Variants in FYN observed in about 807,000 individuals in gnomAD.
FYN encodes the protein FYN proto-oncogene, Src family tyrosine kinase, also known as tyrosine-protein kinase Fyn.
A neutral mutation model predicts 70.2 loss-of-function variants in FYN; 10 were observed. The observed-to-expected ratio is 0.14, with a 90% CI of 0.09 to 0.24. The LOEUF (loss-of-function observed/expected upper bound fraction) is 0.24. Among genes scored for constraint, FYN ranks in the 10% least tolerant of loss-of-function variants. The pLI is 1.00. For synonymous variants in FYN, 236 were observed against 248.6 expected (o/e 0.95, Z 0.48); for missense variants, 319 against 673.1 (o/e 0.47, Z 5.82).
chr6:111,770,340 C>T (rs1803398004), intron 3 of FYN, among the ~76,000 whole-genome samples: 1 of 152,134 alleles, frequency 6.6e-6, no homozygotes, highest in South Asian at 2.1e-4. Flanking sequence ...TTCTAGATAG[C>T]TTTAAATTGT....
At chr6:111,815,957 C>A (rs1772476984) in intron 2 of FYN, among the ~76,000 whole-genome samples, 2 of 152,104 alleles carry the variant, frequency 1.3e-5, no homozygotes. Context: ...GCCTCAGCCT[C>A]CCAAAGTGCT....
intron 13 of FYN, among the ~76,000 whole-genome samples, chr6:111,663,328 T>C (rs1797850200): frequency 6.6e-6 from 1 of 152,160 alleles, no homozygotes. Flanking sequence ...TTCCTTTACT[T>C]CTAGGGGAGG....
chr6:111,811,388 G>A (rs1251813933), intron 2 of FYN, among the ~76,000 whole-genome samples: 2 of 152,178 alleles, frequency 1.3e-5, no homozygotes, highest in Non-Finnish European at 2.9e-5. Context: ...AAGGATTGGA[G>A]CTGTAAATGT....
intron 2 of FYN, among the ~76,000 whole-genome samples, chr6:111,842,114 C>T (rs888788905): frequency 1.3e-5 from 2 of 152,164 alleles, no homozygotes; most frequent in East Asian, 3.9e-4. Context: ...TGAAACGTGA[C>T]CCTTACTCAG....
At chr6:111,852,032 G>C (rs1168573818) in intron 1 of FYN, among the ~76,000 whole-genome samples, 2 of 152,220 alleles carry the variant, frequency 1.3e-5, no homozygotes, top group Admixed American at 1.3e-4. Context: ...CCAGCCCATA[G>C]AGTGGTTTGC....
chr6:111,747,037 C>A (rs1802257446), intron 3 of FYN, among the ~76,000 whole-genome samples: 1 of 152,142 alleles, frequency 6.6e-6, no homozygotes, highest in African/African-American at 2.4e-5. Context: ...CTAAAATATT[C>A]TTTAAAAAAT....
intron 2 of FYN, among the ~76,000 whole-genome samples, chr6:111,804,834 G>A (rs1351592221): frequency 6.6e-6 from 1 of 152,188 alleles, no homozygotes; most frequent in African/African-American, 2.4e-5. Context: ...AAAGAACTCA[G>A]TGAGGACTTC....
At chr6:111,772,979 T>C (rs1803509724) in intron 3 of FYN, among the ~76,000 whole-genome samples, 1 of 151,690 alleles carries the variant, frequency 6.6e-6, no homozygotes, top group Non-Finnish European at 1.5e-5. Context: ...TACTATAGTA[T>C]GGTTATATAA....
At chr6:111,678,795 T>C (rs959617897) in intron 12 of FYN, among the ~76,000 whole-genome samples, 1 of 152,168 alleles carries the variant, frequency 6.6e-6, no homozygotes, top group African/African-American at 2.4e-5. Flanking sequence ...CTATTTTTCA[T>C]CACTGTGCAC....
At chr6:111,858,244 G>A (rs1330440731) in intron 1 of FYN, 1 of 152,242 alleles carries the variant, frequency 6.6e-6, no homozygotes, top group East Asian at 1.9e-4. Context: ...CCAGAGAGGA[G>A]GCAGGGCACC....
intron 3 of FYN, among the ~76,000 whole-genome samples, chr6:111,729,978 A>G (rs942530089): frequency 1.3e-5 from 2 of 152,202 alleles, no homozygotes; most frequent in Non-Finnish European, 2.9e-5. Context: ...TTACTGATTG[A>G]ATTTGTATGT....
chr6:111,728,277 C>A (rs562163663), intron 3 of FYN, among the ~76,000 whole-genome samples: 2 of 152,116 alleles, frequency 1.3e-5, no homozygotes, highest in Non-Finnish European at 2.9e-5. Flanking sequence ...GGCTCCACCC[C>A]CTGCCCGCAA....
chr6:111,822,201 T>G (rs1394127745), intron 2 of FYN, among the ~76,000 whole-genome samples: 1 of 152,152 alleles, frequency 6.6e-6, no homozygotes, highest in Non-Finnish European at 1.5e-5. Flanking sequence ...TGTGGCACTA[T>G]TCACAATAGT....
intron 10 of FYN, among the ~76,000 whole-genome samples, 161 bp downstream of exon 10, chr6:111,696,115 TA>T (rs869070657): frequency 6.6e-6 from 1 of 152,218 alleles, no homozygotes; most frequent in Non-Finnish European, 1.5e-5. Context: ...TAGTCTGTTT[TA>T]AAAAATGTTT....
chr6:111,747,994 A>C (rs1802307422), intron 3 of FYN, among the ~76,000 whole-genome samples: 1 of 152,210 alleles, frequency 6.6e-6, no homozygotes, highest in African/African-American at 2.4e-5. Context: ...GCCAGTTGGA[A>C]GTGGAGGTTG....
In FYN at chr6:111,694,041, T is replaced by C. The variant is rs569160657; in HGVS notation, c.1273+334A>G. 6.6e-6 allele frequency among the ~76,000 whole-genome samples: 1 copy of C among 152,244 alleles called. No individual in the cohort carries two copies. The highest frequency in any genetic ancestry group is 2.1e-4 in the South Asian group (1 of 4,814). ...TGTAAAAAACACAGGCATGTGAGAA[T>C]GTGAGAATAAATGTGGTCTCTTTCT... On this transcript the variant is annotated intron_variant, in intron 12 of 13. Coordinates refer to ENST00000354650, the MANE Select transcript of FYN (RefSeq NM_002037.5). This position sits in a 1 kb window ranked among gnomAD's most constrained non-coding sequence, Gnocchi z 5.0.
intron 8 of FYN, among the ~76,000 whole-genome samples, chr6:111,700,723 C>A (rs945024084): frequency 1.3e-5 from 2 of 152,134 alleles, no homozygotes; most frequent in African/African-American, 4.8e-5. Context: ...TAAAGAATGT[C>A]AATATGACTG....
intron 6 of FYN, among the ~76,000 whole-genome samples, chr6:111,706,566 A>T (rs1401716163): frequency 6.6e-6 from 1 of 152,250 alleles, no homozygotes; most frequent in Non-Finnish European, 1.5e-5. Context: ...ACCCAATTAG[A>T]ATGCCGTGTA....
At chr6:111,729,096 C>T (rs1801328381) in intron 3 of FYN, among the ~76,000 whole-genome samples, 1 of 152,016 alleles carries the variant, frequency 6.6e-6, no homozygotes, top group East Asian at 1.9e-4. Flanking sequence ...ATGAATATGA[C>T]TCTCTTACAT....
Sources: gnomAD v4.1 joint callset for allele counts (sites outside exome capture counted in the v4.1 genomes callset) on GRCh38, gnomAD v4.1.1 for gene constraint, Gnocchi (gnomAD v3.1) non-coding constraint, MANE v1.5 for transcripts, NCBI Gene and HGNC (gene_info 2026-07-23, HGNC 2026-07-21) for gene names.